The following SULF1 variants were observed in gnomAD, a reference collection of about 807,000 sequenced individuals.
SULF1 encodes sulfatase 1.
A neutral mutation model predicts 110.5 loss-of-function variants in SULF1; 46 were observed. That is an observed-to-expected ratio of 0.42 (90% CI 0.33 to 0.53). The LOEUF is 0.53. Among genes scored for constraint, SULF1 ranks in the 20% least tolerant of loss-of-function variants. The pLI, the probability that SULF1 is intolerant of heterozygous loss-of-function variation, is 0.12. For missense variants in SULF1, 941 were observed against 1,094.2 expected, an observed-to-expected ratio of 0.86 and a Z score of 1.98; for synonymous variants, 371 against 387.1, an observed-to-expected ratio of 0.96 and a Z score of 0.49.
intron 1 of SULF1, among the ~76,000 whole-genome samples, chr8:69,478,949 T>C (rs1052427045): frequency 6.6e-6 from 1 of 152,180 alleles, no homozygotes; most frequent in Non-Finnish European, 1.5e-5. Context: ...TTGAGAATTT[T>C]AGGAAACTAA....
intron 15 of SULF1, among the ~76,000 whole-genome samples, chr8:69,626,408 C>A (rs968732469): frequency 2.0e-5 from 3 of 152,264 alleles, no homozygotes; most frequent in African/African-American, 7.2e-5. Flanking sequence ...ACTCAGGAGC[C>A]CAGCTGGCTT....
In SULF1 at chr8:69,659,133, A is replaced by T. The variant is rs938892872; in HGVS notation, c.*598A>T. 13 of 456,614 alleles carry T rather than the reference A, an allele frequency of 2.8e-5. No homozygotes were observed. Among genetic ancestry groups the T allele is most frequent in the African/African-American group, 2.6e-4 (13 of 50,076 alleles). The allele number at this position is 456,614 out of a possible 1,614,324, so 28.3% of individuals were successfully genotyped here. A position where few individuals can be genotyped will look rare whatever the true frequency, so the allele number is the denominator to read the frequency against. ...GTGGTCCTGGAAAGGACATTTTTGA[A>T]GATCAACTATATCTTCCTGTGCATT... On this transcript the variant is annotated 3_prime_UTR_variant, in exon 23 of 23. Coordinates refer to ENST00000402687, the MANE Select transcript of SULF1 (RefSeq NM_001128205.2).
chr8:69,574,202 T>C (rs2150740835), intron 5 of SULF1, among the ~76,000 whole-genome samples: 1 of 152,276 alleles, frequency 6.6e-6, no homozygotes, highest in African/African-American at 2.4e-5. Context: ...CTACCTTTGT[T>C]TTTTTTATTC....
intron 22 of SULF1, among the ~76,000 whole-genome samples, chr8:69,649,186 A>C (rs1812145226): frequency 6.6e-6 from 1 of 152,218 alleles, no homozygotes; most frequent in South Asian, 2.1e-4. Flanking sequence ...ATTTTGATAT[A>C]ACTTTACATT....
chr8:69,571,984 A>G (rs956263451), intron 5 of SULF1, among the ~76,000 whole-genome samples: 4 of 152,196 alleles, frequency 2.6e-5, no homozygotes, highest in Non-Finnish European at 4.4e-5. Context: ...TAACGCCACC[A>G]TGGCAGTCAG....
chr8:69,530,846 A>C (rs16936014), intron 3 of SULF1, among the ~76,000 whole-genome samples: 9,407 of 152,232 alleles, frequency 0.062, 730 homozygotes, highest in East Asian at 0.41. Context: ...TGTCCTTTCC[A>C]AAGGGATTGA....
intron 3 of SULF1, among the ~76,000 whole-genome samples, chr8:69,543,097 C>G (rs1813973255): frequency 6.6e-6 from 1 of 152,120 alleles, no homozygotes; most frequent in Non-Finnish European, 1.5e-5. Flanking sequence ...CCAATTAATG[C>G]TTCTTATTGA....
At chr8:69,523,456 C>T (rs1812454755) in intron 3 of SULF1, among the ~76,000 whole-genome samples, 1 of 152,032 alleles carries the variant, frequency 6.6e-6, no homozygotes, top group South Asian at 2.1e-4. Flanking sequence ...AGTATTAGGA[C>T]CTCTTTGAAG....
chr8:69,528,595 T>C (rs1279797443), intron 3 of SULF1, among the ~76,000 whole-genome samples: 1 of 152,228 alleles, frequency 6.6e-6, no homozygotes, highest in Non-Finnish European at 1.5e-5. Context: ...ATTTCGCTTT[T>C]ATAAATCCAA....
At chr8:69,555,695 A>G (rs1815067524) in intron 3 of SULF1, among the ~76,000 whole-genome samples, 1 of 151,962 alleles carries the variant, frequency 6.6e-6, no homozygotes. Flanking sequence ...TCTTGACTGC[A>G]GCTTCATTTA....
chr8:69,629,593 A>C lies in SULF1; in HGVS notation c.2198A>C (p.Gln733Pro), dbSNP rs1466590060. ...RKKERKEKRR[Q>P]RKGEECSLPG... ...AAGGAGAGGAAGGAGAAGAGACGGC[A>C]GAGGAAGGGGGAAGAGTGCAGCCTG... Residue 733 changes from glutamine to proline, a missense_variant, in exon 19 of 23, where the codon CAG (glutamine) becomes CCG (proline). Around this residue, in one of 3 missense-constraint regions of SULF1, gnomAD observed 822 missense variants for 934.3 expected, o/e 0.88. Coordinates refer to ENST00000402687, the MANE Select transcript of SULF1 (RefSeq NM_001128205.2). The C allele has an allele frequency of 6.2e-7, 1 of 1,614,008 alleles. No individual in the cohort carries two copies. Among genetic ancestry groups the C allele is most frequent in the Non-Finnish European group, 8.5e-7 (1 of 1,179,996 alleles).
chr8:69,638,299 C>A lies in SULF1; in HGVS notation c.2285-203C>A, dbSNP rs542743558. ...TCTTCAGCCTATAAGAGATCACTATCTTTTTTCCCATTTTCACCTAGTTTC... is the reference window on the plus strand; with the variant it reads ...TCTTCAGCCTATAAGAGATCACTATATTTTTTCCCATTTTCACCTAGTTTC... On this transcript the variant is annotated intron_variant, in intron 19 of 22. Coordinates refer to ENST00000402687, the MANE Select transcript of SULF1 (RefSeq NM_001128205.2). The A allele has an allele frequency of 1.7e-3, 1,029 of 618,450 alleles. 2 individuals are homozygous for A. Among genetic ancestry groups the A allele is most frequent in the Non-Finnish European group, 2.5e-3 (914 of 366,494 alleles). The allele number at this position is 618,450 out of a possible 1,614,324, so 38.3% of individuals were successfully genotyped here.
chr8:69,563,046 C>T (rs1324258453), intron 3 of SULF1: 1 of 152,170 alleles, frequency 6.6e-6, no homozygotes, highest in East Asian at 1.9e-4. Context: ...TCTTTGTCAG[C>T]AGAAAAGACT....
intron 8 of SULF1, among the ~76,000 whole-genome samples, chr8:69,599,950 G>A (rs761483394): frequency 4.6e-5 from 7 of 152,168 alleles, no homozygotes; most frequent in Non-Finnish European, 8.8e-5. Context: ...GTGGCTTACA[G>A]AAATTATTCC....
chr8:69,585,095 A>G (rs1362049758), intron 6 of SULF1, among the ~76,000 whole-genome samples: 2 of 152,244 alleles, frequency 1.3e-5, no homozygotes, highest in African/African-American at 2.4e-5. Context: ...CAACAGCTTT[A>G]TAACATCAGA....
intron 3 of SULF1, among the ~76,000 whole-genome samples, chr8:69,558,159 A>T (rs1378835278): frequency 6.6e-6 from 1 of 152,184 alleles, no homozygotes; most frequent in Non-Finnish European, 1.5e-5. Context: ...GGAGACTCAA[A>T]AGCCAAAATT....
intron 13 of SULF1, among the ~76,000 whole-genome samples, chr8:69,618,197 T>C (rs1163279116): frequency 1.3e-5 from 2 of 152,242 alleles, no homozygotes; most frequent in East Asian, 3.8e-4. Flanking sequence ...ATCTCTAACT[T>C]AGTCCTTAGG....
At chr8:69,490,997 A>C (rs960846983), upstream of SULF1, among the ~76,000 whole-genome samples, 1 of 152,178 alleles carries the variant, frequency 6.6e-6, no homozygotes, top group Non-Finnish European at 1.5e-5. Flanking sequence ...ATCCTCAGGA[A>C]CTTGAGGCCA....
chr8:69,475,018 A>T (rs1057017944), intron 1 of SULF1, among the ~76,000 whole-genome samples: 2 of 152,132 alleles, frequency 1.3e-5, no homozygotes, highest in Non-Finnish European at 2.9e-5. Context: ...TAATCTCATG[A>T]TCTGTATGAC....
Sources: gnomAD v4.1 joint callset for allele counts (sites outside exome capture counted in the v4.1 genomes callset) on GRCh38, gnomAD v4.1.1 for gene constraint, gnomAD v4.1.1 regional missense constraint, MANE v1.5 for transcripts, NCBI Gene and HGNC (gene_info 2026-07-23, HGNC 2026-07-21) for gene names.